Variants in POLE2 observed in about 807,000 individuals in gnomAD.
The protein encoded by POLE2 is DNA polymerase epsilon subunit 2.
Under a neutral mutation model 79.4 loss-of-function variants are expected in POLE2, and 56 were observed. The observed-to-expected ratio is 0.71, with a 90% CI of 0.57 to 0.88. The LOEUF is 0.88. POLE2 is among the 40% of genes least tolerant of loss of function. The pLI, the probability that POLE2 is intolerant of heterozygous loss-of-function variation, is 0.00. For synonymous variants in POLE2, 212 were observed against 214.0 expected, an observed-to-expected ratio of 0.99 and a Z score of 0.08; for missense variants, 598 against 638.9, an observed-to-expected ratio of 0.94 and a Z score of 0.69.
intron 11 of POLE2, among the ~76,000 whole-genome samples, chr14:49,655,458 A>AACAC (rs35575577): frequency 0.022 from 3,178 of 143,458 alleles, 52 homozygotes; most frequent in African/African-American, 0.045. Context: ...CATGACTATA[A>AACAC]ACACACACAC....
chr14:49,653,980 T>G lies in POLE2; in HGVS notation c.1211+10A>C. 1 of 1,453,962 alleles carries G rather than the reference T, an allele frequency of 6.9e-7. No individual in the cohort carries two copies. The highest frequency in any genetic ancestry group is 9.6e-7 in the Non-Finnish European group (1 of 1,039,312). The allele number at this position is 1,453,962 out of a possible 1,614,324, so 90.1% of individuals were successfully genotyped here. ...AGGAAAAATGTATAACACAAAATACTAATTCTTACCTGCAAGGATTAGTAG... is the reference window on the plus strand; with the variant it reads ...AGGAAAAATGTATAACACAAAATACGAATTCTTACCTGCAAGGATTAGTAG... On this transcript the variant is annotated intron_variant, in intron 15 of 18. Transcript: ENST00000216367.
intron 13 of POLE2, 80 bp downstream of exon 13, chr14:49,654,704 T>C (rs1884521111): frequency 2.1e-6 from 3 of 1,418,106 alleles, no homozygotes; most frequent in Non-Finnish European, 2.8e-6. Context: ...TTTGTAATAA[T>C]TGCTGATATA....
At chr14:49,644,298 G>A (rs1021060435) in intron 18 of POLE2, among the ~76,000 whole-genome samples, 6 of 150,692 alleles carry the variant, frequency 4.0e-5, no homozygotes, top group African/African-American at 1.2e-4. Flanking sequence ...ATCACCTGAG[G>A]TCAGGAGTTC....
At chr14:49,662,571 A>G (rs971423531) in intron 10 of POLE2, among the ~76,000 whole-genome samples, 13 of 152,362 alleles carry the variant, frequency 8.5e-5, no homozygotes, top group African/African-American at 3.1e-4. Flanking sequence ...ACTAGGGCAC[A>G]CATACATGCC....
In POLE2 at chr14:49,664,669, G is replaced by C; in HGVS notation, c.639C>G (p.Phe213Leu). 1 of 1,584,974 alleles carries C rather than the reference G, an allele frequency of 6.3e-7. No homozygotes were observed. The highest frequency in any genetic ancestry group is 2.2e-5 in the East Asian group (1 of 44,636). Reference sequence around the variant, plus strand: ...ATGCCTCTGTGTATAAACCACTATGGAACTGGTACACAACAGTTGAGGAAA... The same window carrying C: ...ATGCCTCTGTGTATAAACCACTATGCAACTGGTACACAACAGTTGAGGAAA... ...TVQLDLSKAQ[F>L]HSGLYTEACF... Residue 213 changes from phenylalanine (F) to leucine (L), a missense_variant, in exon 9 of 19, where the codon TTC becomes TTG. Phe to Leu is a conservative substitution (Grantham distance 22). Coordinates refer to ENST00000216367, the MANE Select transcript of POLE2 (RefSeq NM_002692.4).
chr14:49,653,969 A>C (rs771132144), intron 15 of POLE2, 21 bp downstream of exon 15: 1 of 1,391,358 alleles, frequency 7.2e-7, no homozygotes. Context: ...AAAATGTATA[A>C]CACAAAATAC....
At chr14:49,655,867 C>T in intron 10 of POLE2, 24 bp from the exon 11 acceptor site, 3 of 1,142,882 alleles carry the variant, frequency 2.6e-6, no homozygotes, top group Non-Finnish European at 3.9e-6. Flanking sequence ...ACATAATTAT[C>T]TTCTATATAC....
intron 10 of POLE2, among the ~76,000 whole-genome samples, chr14:49,657,051 TGTA>T (rs1884735207): frequency 1.3e-5 from 2 of 150,768 alleles, no homozygotes; most frequent in Non-Finnish European, 2.9e-5. Flanking sequence ...AGATGGAGGT[TGTA>T]GTAAGCCGAG....
chr14:49,666,199 A>C, intron 7 of POLE2, 131 bp downstream of exon 7: 1 of 632,784 alleles, frequency 1.6e-6, no homozygotes, highest in Admixed American at 3.2e-5. Context: ...CCACTATTCC[A>C]ATATTGTTCT....
In POLE2 at chr14:49,663,403, G is replaced by A. The variant is rs772875576; in HGVS notation, c.683-16C>T. ...TCAAACCAACCTGAAAAAAAGTAAC[G>A]TCACTTTCATTTGTCTAATCCTCTA... On this transcript the variant is annotated splice_polypyrimidine_tract_variant and intron_variant, in intron 9 of 18. Coordinates refer to ENST00000216367, the MANE Select transcript of POLE2 (RefSeq NM_002692.4). The A allele has an allele frequency of 1.5e-5, 24 of 1,579,666 alleles. No individual in the cohort carries two copies. Among genetic ancestry groups the A allele is most frequent in the South Asian group, 7.9e-5 (7 of 88,470 alleles).
chr14:49,683,442 T>G, intron 2 of POLE2, 151 bp downstream of exon 2: 2 of 470,626 alleles, frequency 4.2e-6, no homozygotes, highest in Non-Finnish European at 7.4e-6. Flanking sequence ...CTAAAGGTAT[T>G]ACCCCTTGGG....
At chr14:49,645,537 G>T (rs1366712071) in intron 18 of POLE2, among the ~76,000 whole-genome samples, 1 of 152,180 alleles carries the variant, frequency 6.6e-6, no homozygotes, top group South Asian at 2.1e-4. Flanking sequence ...ATTATAGTTT[G>T]GAAATTATGT....
intron 2 of POLE2, among the ~76,000 whole-genome samples, chr14:49,682,839 T>G (rs761068670): frequency 3.4e-4 from 52 of 150,768 alleles, no homozygotes; most frequent in Non-Finnish European, 5.9e-4. Flanking sequence ...AAAAAAAAAA[T>G]CCCTGAAGAA....
chr14:49,667,224 T>G (rs1885553780), intron 6 of POLE2, among the ~76,000 whole-genome samples: 1 of 151,940 alleles, frequency 6.6e-6, no homozygotes, highest in South Asian at 2.1e-4. Context: ...TCCATCTTTT[T>G]CTATATGTAA....
In POLE2 at chr14:49,651,308, G is replaced by A. The variant is rs760488544; in HGVS notation, c.1281C>T (p.Cys427=). Residue 427 remains cysteine, a synonymous_variant, in exon 16 of 19, where the codon TGC becomes TGT. Coordinates refer to ENST00000216367, the MANE Select transcript of POLE2 (RefSeq NM_002692.4). The part of the protein sequence containing the change: ...EDLVNKMCRN[C]VRFPSSNLAI... ...CCAAATTGCTGCTAGGAAAACGGAC[G>A]CAGTTTCTGCACATTTTATTTACTA... 2 of 1,602,538 alleles carry A rather than the reference G, an allele frequency of 1.2e-6. No homozygotes were observed. Among genetic ancestry groups the A allele is most frequent in the African/African-American group, 1.3e-5 (1 of 74,686 alleles).
chr14:49,644,832 G>C (rs964742490), intron 18 of POLE2, among the ~76,000 whole-genome samples: 9 of 152,198 alleles, frequency 5.9e-5, no homozygotes, highest in Non-Finnish European at 1.3e-4. Context: ...CCTGAGGTCA[G>C]GAGTTTGAGA....
At chr14:49,663,240 A>AT in intron 10 of POLE2, 75 bp downstream of exon 10, 1 of 640,386 alleles carries the variant, frequency 1.6e-6, no homozygotes, top group East Asian at 3.0e-5. Flanking sequence ...TAACTGAGAT[A>AT]TGACGTACTA....
At chr14:49,652,524 C>G (rs1169856279) in intron 15 of POLE2, among the ~76,000 whole-genome samples, 2 of 152,082 alleles carry the variant, frequency 1.3e-5, no homozygotes, top group African/African-American at 2.4e-5. Context: ...CAGCCACTCC[C>G]CATCGGTTGT....
chr14:49,649,845 C>CCA (rs2139607783), intron 17 of POLE2, among the ~76,000 whole-genome samples: 1 of 152,258 alleles, frequency 6.6e-6, no homozygotes, highest in East Asian at 1.9e-4. Flanking sequence ...AAAATATGTA[C>CCA]CAATGAGGTT....
Sources: gnomAD v4.1 joint callset for allele counts (sites outside exome capture counted in the v4.1 genomes callset) on GRCh38, gnomAD v4.1.1 for gene constraint, MANE v1.5 for transcripts, NCBI Gene and HGNC (gene_info 2026-07-23, HGNC 2026-07-21) for gene names.